Variants in PAK3 observed in about 807,000 individuals in gnomAD.
The protein encoded by PAK3 is serine/threonine-protein kinase PAK 3.
Under a neutral mutation model 41.0 loss-of-function variants are expected in PAK3, and 4 were observed. The observed-to-expected ratio is 0.10, with a 90% CI of 0.05 to 0.22. The LOEUF (loss-of-function observed/expected upper bound fraction) is 0.22. Among genes scored for constraint, PAK3 ranks in the 10% least tolerant of loss-of-function variants. The pLI is 1.00. For synonymous variants in PAK3, 146 were observed against 139.6 expected (o/e 1.05, Z -0.32); for missense variants, 205 against 409.9 (o/e 0.50, Z 4.32).
At chrX:110,987,641 A>G (rs1451761240) in intron 1 of PAK3, among the ~76,000 whole-genome samples, 1 of 111,971 alleles carries the variant, frequency 8.9e-6, no homozygotes, top group East Asian at 2.8e-4. Flanking sequence ...AAATAGACCC[A>G]CATATGCTTT....
At chrX:111,158,228 G>A (rs151206619) in intron 8 of PAK3, among the ~76,000 whole-genome samples, 7,142 of 111,777 alleles carry the variant, frequency 0.064, 598 homozygotes, top group African/African-American at 0.22. Flanking sequence ...GGTGAATATA[G>A]CAAAGGAAGG....
intron 16 of PAK3, among the ~76,000 whole-genome samples, chrX:111,208,496 T>A (rs2094780744): frequency 8.9e-6 from 1 of 111,880 alleles, no homozygotes; most frequent in Admixed American, 9.5e-5. Flanking sequence ...TTTTATCTTT[T>A]ATACCATATT....
rs182828254 is a variant in PAK3, at chrX:111,056,821, T to C, written c.-27-66256T>C. Among the ~76,000 whole-genome samples, 331 of 111,970 alleles carry C rather than the reference T, an allele frequency of 3.0e-3. 1 individual carries two copies. Among genetic ancestry groups the C allele is most frequent in the Non-Finnish European group, 5.3e-3 (283 of 53,131 alleles). ...CATAGTGATTCCGTGAAAGCCTTAG[T>C]TTCTGCTTCCTTGTGTAATTGAACT... On this transcript the variant is annotated intron_variant, in intron 1 of 14. Coordinates refer to the PAK3 transcript ENST00000425146.
At chrX:110,973,941 C>T (rs1247917479) in intron 1 of PAK3, among the ~76,000 whole-genome samples, 2 of 111,595 alleles carry the variant, frequency 1.8e-5, no homozygotes, top group Non-Finnish European at 3.8e-5. Flanking sequence ...AGATTTTAAA[C>T]CAACAAACAT....
rs763610810 is a variant in PAK3, at chrX:111,223,769, C to T, written c.*3322C>T. 9.0e-5 allele frequency: 10 copies of T among 111,176 alleles called. No individual in the cohort carries two copies. Among genetic ancestry groups the T allele is most frequent in the Non-Finnish European group, 1.7e-4 (9 of 53,084 alleles). 9.2% of individuals were successfully genotyped at this position (111,176 alleles called of 1,213,427 possible). A position where few individuals can be genotyped will look rare whatever the true frequency, so the allele number is the denominator to read the frequency against. On this transcript the variant is annotated 3_prime_UTR_variant, in exon 18 of 18. Transcript: ENST00000372007. ...GTGTAAATAATTATATTCCTTTGCTCAATGGGTTTATTTCTAATGAGGCTG... is the reference window on the plus strand; with the variant it reads ...GTGTAAATAATTATATTCCTTTGCTTAATGGGTTTATTTCTAATGAGGCTG...
chrX:110,972,059 T>C (rs1293278275), intron 1 of PAK3, among the ~76,000 whole-genome samples: 1 of 111,605 alleles, frequency 9.0e-6, no homozygotes, highest in African/African-American at 3.3e-5. Flanking sequence ...TGTATGTGTA[T>C]ATATACACAC....
intron 1 of PAK3, among the ~76,000 whole-genome samples, chrX:111,049,991 G>A (rs1192115516): frequency 9.0e-6 from 1 of 111,630 alleles, no homozygotes; most frequent in Non-Finnish European, 1.9e-5. Flanking sequence ...AATCAGCATA[G>A]CCATGAGAGT....
At chrX:110,946,170 G>A (rs778983805) in intron 1 of PAK3, among the ~76,000 whole-genome samples, 31 of 111,200 alleles carry the variant, frequency 2.8e-4, no homozygotes, top group Non-Finnish European at 5.5e-4. Context: ...CATTTGAGTT[G>A]AGTCTTGAAG....
At chrX:111,128,844 A>G (rs759763372) in intron 5 of PAK3, among the ~76,000 whole-genome samples, 7 of 112,323 alleles carry the variant, frequency 6.2e-5, no homozygotes, top group African/African-American at 1.9e-4. Context: ...TCTTGATAAT[A>G]GAGATATGCT....
At chrX:111,166,701 G>A (rs1050340970) in intron 10 of PAK3, among the ~76,000 whole-genome samples, 4 of 111,761 alleles carry the variant, frequency 3.6e-5, no homozygotes, top group African/African-American at 1.3e-4. Context: ...TAGACCCATT[G>A]CTATTAGCTG....
At chrX:111,211,820 T>C (rs1041059952) in intron 16 of PAK3, among the ~76,000 whole-genome samples, 3 of 110,837 alleles carry the variant, frequency 2.7e-5, no homozygotes, top group Non-Finnish European at 5.7e-5. Context: ...CTGTGGACCA[T>C]GGGGAGTGAC....
At chrX:110,992,011 C>A (rs1347885655) in intron 1 of PAK3, among the ~76,000 whole-genome samples, 1 of 111,085 alleles carries the variant, frequency 9.0e-6, no homozygotes, top group East Asian at 2.8e-4. Context: ...TGGAAAATAT[C>A]TTCAGATGGG....
At chrX:111,133,196 G>T (rs935922570) in intron 5 of PAK3, among the ~76,000 whole-genome samples, 1 of 111,406 alleles carries the variant, frequency 9.0e-6, no homozygotes, top group Non-Finnish European at 1.9e-5. Context: ...TGATTTCCAA[G>T]GCTACACCCT....
intron 1 of PAK3, among the ~76,000 whole-genome samples, chrX:110,952,849 T>C (rs2090772768): frequency 8.9e-6 from 1 of 111,906 alleles, no homozygotes; most frequent in African/African-American, 3.2e-5. Flanking sequence ...CCAGATAATA[T>C]AATTATTAAA....
In PAK3 at chrX:111,086,061, TTGTGTG is replaced by T. The variant is rs754802946; in HGVS notation, c.-27-36991_-27-36986del. Among the ~76,000 whole-genome samples, 133 of 81,759 alleles carry T rather than the reference TTGTGTG, an allele frequency of 1.6e-3. 1 individual carries two copies. The highest frequency in any genetic ancestry group is 5.6e-3 in the African/African-American group (126 of 22,537). The allele number at this position is 81,759 out of a possible 115,157, so 71.0% of individuals were successfully genotyped here. ...GTAGAGAGAAGACTGTGATGTCAGCTTGTGTGTGTGTGTGTGTGTGTGTGTGTGTGC... is the reference window on the plus strand; with the variant it reads ...GTAGAGAGAAGACTGTGATGTCAGCTTGTGTGTGTGTGTGTGTGTGTGTGC... On this transcript the variant is annotated intron_variant, in intron 1 of 14. Transcript: ENST00000425146.
chrX:110,946,356 C>CATCACATCCA (rs780568516), intron 1 of PAK3, among the ~76,000 whole-genome samples: 496 of 23,100 alleles, frequency 0.021, 2 homozygotes, highest in Middle Eastern at 0.071. Context: ...GACTGGTGGC[C>CATCACATCCA]AAAAAAAAAA....
chrX:111,109,811 TACTTACGACAA>T (rs1305848318), intron 4 of PAK3, among the ~76,000 whole-genome samples: 1 of 112,423 alleles, frequency 8.9e-6, no homozygotes, highest in African/African-American at 3.2e-5. Context: ...AAGCACAGTT[TACTTACGACAA>T]AGCCCTAAGA....
chrX:111,150,828 A>T (rs998867207), intron 7 of PAK3, among the ~76,000 whole-genome samples: 1 of 112,150 alleles, frequency 8.9e-6, no homozygotes, highest in African/African-American at 3.2e-5. Flanking sequence ...TTCTCTCTCT[A>T]CAATAATTTA....
chrX:111,044,639 G>A (rs1602984620), intron 1 of PAK3, among the ~76,000 whole-genome samples: 1 of 111,842 alleles, frequency 8.9e-6, no homozygotes, highest in East Asian at 2.8e-4. Context: ...AATGATCAAC[G>A]AGGTCTCCTC....
Sources: allele counts gnomAD v4.1 joint callset (sites outside exome capture counted in the v4.1 genomes callset), GRCh38; gene constraint gnomAD v4.1.1; transcripts MANE v1.5; gene names NCBI Gene and HGNC (gene_info 2026-07-23, HGNC 2026-07-21).